Variants in GRM5 observed in about 807,000 individuals in gnomAD.
The protein encoded by GRM5 is metabotropic glutamate receptor 5.
A neutral mutation model predicts 83.1 loss-of-function variants in GRM5; 19 were observed. The observed-to-expected ratio is 0.23, with a 90% confidence interval of 0.16 to 0.34. GRM5 has a LOEUF of 0.34. Ranked by LOEUF, GRM5 falls within the 10% of genes least tolerant of loss-of-function variation. The pLI is 1.00. For synonymous variants in GRM5, 675 were observed against 633.6 expected (o/e 1.07, Z -0.98); for missense variants, 1,160 against 1,588.3 (o/e 0.73, Z 4.58).
intron 1 of GRM5, among the ~76,000 whole-genome samples, chr11:89,061,957 A>G (rs1565357014): frequency 6.6e-6 from 1 of 152,206 alleles, no homozygotes; most frequent in Admixed American, 6.5e-5. Flanking sequence ...TTTTTCTCTT[A>G]AGAGAAGCTG....
intron 2 of GRM5, among the ~76,000 whole-genome samples, chr11:88,992,669 A>G (rs1380622324): frequency 1.3e-5 from 2 of 151,784 alleles, no homozygotes; most frequent in Non-Finnish European, 2.9e-5. Flanking sequence ...CATATACACC[A>G]TGGAATACTA....
At chr11:88,958,501 G>T (rs1938691899) in intron 2 of GRM5, among the ~76,000 whole-genome samples, 1 of 151,866 alleles carries the variant, frequency 6.6e-6, no homozygotes, top group South Asian at 2.1e-4. Context: ...AAAAATGATT[G>T]TTCCTCTAAG....
chr11:88,928,443 C>CGT (rs1211552978), intron 2 of GRM5, among the ~76,000 whole-genome samples: 1 of 107,874 alleles, frequency 9.3e-6, no homozygotes, highest in African/African-American at 3.8e-5. Flanking sequence ...GACAATCTAT[C>CGT]ATATGTGTGT....
intron 9 of GRM5, chr11:88,524,190 T>TTTTCTTTCTTTCTTTCTTTC (rs1232518039): frequency 3.8e-4 from 43 of 112,990 alleles, no homozygotes; most frequent in East Asian, 2.7e-3. Context: ...TCTTTTTTCT[T>TTTTCTTTCTTTCTTTCTTTC]TTTCTTTCTT....
chr11:88,881,267 A>C (rs533669384), intron 2 of GRM5, among the ~76,000 whole-genome samples: 7 of 152,048 alleles, frequency 4.6e-5, no homozygotes, highest in Non-Finnish European at 7.4e-5. Flanking sequence ...TGAGACTGTC[A>C]TAATGATTTT....
chr11:88,708,796 T>C (rs1055198904), intron 3 of GRM5, among the ~76,000 whole-genome samples: 2 of 152,094 alleles, frequency 1.3e-5, no homozygotes, highest in Non-Finnish European at 2.9e-5. Context: ...GGATCATATC[T>C]GAATACTCTA....
intron 2 of GRM5, among the ~76,000 whole-genome samples, chr11:88,919,964 A>G (rs1034247358): frequency 6.6e-6 from 1 of 152,078 alleles, no homozygotes; most frequent in Non-Finnish European, 1.5e-5. Context: ...AATTTTAGAT[A>G]AAAAACCTAA....
At chr11:88,583,095 T>A (rs1042710343) in intron 7 of GRM5, among the ~76,000 whole-genome samples, 2 of 151,690 alleles carry the variant, frequency 1.3e-5, no homozygotes, top group African/African-American at 4.9e-5. Context: ...TTTTATTTAA[T>A]GTGCTTATTT....
intron 3 of GRM5, among the ~76,000 whole-genome samples, chr11:88,808,138 G>T (rs965114165): frequency 6.6e-6 from 1 of 151,916 alleles, no homozygotes; most frequent in Non-Finnish European, 1.5e-5. Flanking sequence ...TTATAGAAGA[G>T]ACATTTTACA....
intron 2 of GRM5, among the ~76,000 whole-genome samples, chr11:88,931,963 A>G (rs938731494): frequency 2.0e-5 from 3 of 152,142 alleles, no homozygotes; most frequent in African/African-American, 7.2e-5. Context: ...TAGGAGAAAG[A>G]GTAGCAATTG....
rs552828410 is a variant in GRM5, at chr11:88,807,357, C to G, written c.911+42549G>C. Among the ~76,000 whole-genome samples the G allele has an allele frequency of 3.9e-5, 6 of 152,234 alleles. No individual in the cohort carries two copies. In the East Asian group the frequency reaches 1.2e-3, roughly 29 times the overall value. On this transcript the variant is annotated intron_variant, in intron 3 of 9. Transcript: ENST00000305447. ...ACCTATACTAGACTCAACTCTGTCC[C>G]TAGCCTGTAATGTCCATTCAATAAA...
At chr11:89,033,785 C>T (rs891317045) in intron 2 of GRM5, among the ~76,000 whole-genome samples, 5 of 151,532 alleles carry the variant, frequency 3.3e-5, no homozygotes, top group Non-Finnish European at 5.9e-5. Context: ...ATTCCAAATA[C>T]GTGAAAGCAA....
intron 8 of GRM5, among the ~76,000 whole-genome samples, chr11:88,544,663 C>T (rs1942350339): frequency 6.6e-6 from 1 of 152,170 alleles, no homozygotes; most frequent in Non-Finnish European, 1.5e-5. Context: ...TGCTGCAAAG[C>T]CTCAGTGCTC....
chr11:88,724,963 A>T (rs1941640356), intron 3 of GRM5, among the ~76,000 whole-genome samples: 1 of 152,158 alleles, frequency 6.6e-6, no homozygotes, highest in Non-Finnish European at 1.5e-5. Flanking sequence ...TTTCAAGCAC[A>T]AAACTGGGTG....
chr11:88,874,467 C>T (rs1234790546), intron 2 of GRM5, among the ~76,000 whole-genome samples: 3 of 151,702 alleles, frequency 2.0e-5, no homozygotes, highest in Non-Finnish European at 4.4e-5. Context: ...AAATGTAAGA[C>T]CTGAAACTAT....
chr11:88,997,921 G>C (rs1940243235), intron 2 of GRM5, among the ~76,000 whole-genome samples: 1 of 152,088 alleles, frequency 6.6e-6, no homozygotes. Flanking sequence ...TCAGAAAAGA[G>C]AAGAGTAGGG....
At chr11:88,988,510 C>T (rs1334062975) in intron 2 of GRM5, among the ~76,000 whole-genome samples, 5 of 152,092 alleles carry the variant, frequency 3.3e-5, no homozygotes, top group Admixed American at 6.5e-5. Context: ...ATACAGAGAA[C>T]GCCACAAAGA....
chr11:89,000,808 T>C (rs186329665), intron 2 of GRM5, among the ~76,000 whole-genome samples: 186 of 152,006 alleles, frequency 1.2e-3, no homozygotes, highest in African/African-American at 4.4e-3. Context: ...AAACCACGTA[T>C]TGAACAAAGG....
intron 3 of GRM5, among the ~76,000 whole-genome samples, chr11:88,700,402 T>C (rs983958903): frequency 2.0e-5 from 3 of 152,098 alleles, no homozygotes; most frequent in Non-Finnish European, 4.4e-5. Flanking sequence ...GGGATCTCAT[T>C]CTTCAGAATT....
Sources: gnomAD v4.1 joint callset for allele counts (sites outside exome capture counted in the v4.1 genomes callset) on GRCh38, gnomAD v4.1.1 for gene constraint, MANE v1.5 for transcripts, NCBI Gene and HGNC (gene_info 2026-07-23, HGNC 2026-07-21) for gene names.